PLXDC1: variants seen among roughly 807,000 people sequenced by gnomAD.
PLXDC1 encodes the protein plexin domain-containing protein 1.
A neutral mutation model predicts 61.3 loss-of-function variants in PLXDC1; 39 were observed. The observed-to-expected ratio is 0.64, with a 90% CI of 0.49 to 0.83. PLXDC1 has a LOEUF of 0.83. Ranked by LOEUF, PLXDC1 falls within the 40% of genes least tolerant of loss-of-function variation. The pLI, the probability that PLXDC1 is intolerant of heterozygous loss-of-function variation, is 0.00. For missense variants in PLXDC1, 596 were observed against 666.5 expected (o/e 0.89, Z 1.17); for synonymous variants, 212 against 254.5 (o/e 0.83, Z 1.59).
rs141459439 is a variant in PLXDC1, at chr17:39,105,874, T to C, written c.791A>G (p.Asn264Ser). ...TGLSDAFMIL[N>S]PSPDVPESRR... ...CTCACCTGGCACATCCGGGGATGGATTGAGAATCATGAAGGCATCCGATAG... is the reference window on the plus strand; with the variant it reads ...CTCACCTGGCACATCCGGGGATGGACTGAGAATCATGAAGGCATCCGATAG... Residue 264 changes from asparagine to serine, a missense_variant, in exon 7 of 14, where the codon AAT becomes AGT. Coordinates refer to ENST00000315392, the MANE Select transcript of PLXDC1 (RefSeq NM_020405.5). 3.1e-6 allele frequency: 5 copies of C among 1,613,348 alleles called. No individual in the cohort carries two copies. Among genetic ancestry groups the C allele is most frequent in the Middle Eastern group, 1.6e-4 (1 of 6,062 alleles).
intron 1 of PLXDC1, among the ~76,000 whole-genome samples, chr17:39,141,449 G>A (rs1033715668): frequency 2.6e-4 from 40 of 152,294 alleles, no homozygotes; most frequent in African/African-American, 4.3e-4. Flanking sequence ...CATTCATGTC[G>A]TAGCATATGG....
At chr17:39,109,879 G>A (rs2879210) in intron 2 of PLXDC1, among the ~76,000 whole-genome samples, 136,966 of 152,238 alleles carry the variant, frequency 0.9, 61,833 homozygotes, top group South Asian at 0.94. Flanking sequence ...GCGGTGGCTC[G>A]CGCCTGTAAT....
At chr17:39,075,247 C>T (rs913776839) in intron 11 of PLXDC1, among the ~76,000 whole-genome samples, 4 of 152,234 alleles carry the variant, frequency 2.6e-5, no homozygotes, top group Admixed American at 2.0e-4. Context: ...GCGTAAGCCT[C>T]CTCTCCCAGC....
At chr17:39,084,265 G>A (rs552259832) in intron 8 of PLXDC1, among the ~76,000 whole-genome samples, 15 of 152,282 alleles carry the variant, frequency 9.9e-5, no homozygotes, top group African/African-American at 3.6e-4. Context: ...TATAACATGA[G>A]GACTGTAGGT....
intron 7 of PLXDC1, among the ~76,000 whole-genome samples, chr17:39,104,739 G>T (rs1280117786): frequency 6.6e-6 from 1 of 151,954 alleles, no homozygotes; most frequent in Admixed American, 6.6e-5. Context: ...GGTAGAAATT[G>T]CACTACTGCA....
intron 1 of PLXDC1, among the ~76,000 whole-genome samples, chr17:39,145,130 T>A (rs1912054760): frequency 6.6e-6 from 1 of 151,752 alleles, no homozygotes. Context: ...TGACCGACAA[T>A]CCCCACTGTT....
In PLXDC1 at chr17:39,109,353, G is replaced by A. The variant is rs1910713880; in HGVS notation, c.294C>T (p.Gly98=). ...GTTCCCGGCTGTGGGGCTCGCTGGG[G>A]CCATAGAGACGGGACACATAATAGC... ...NHSYYVSRLY[G]PSEPHSRELW... The change falls in exon 3 of 14, where the codon GGC becomes GGT. Residue 98 remains glycine (G), a synonymous_variant. Coordinates refer to ENST00000315392, the MANE Select transcript of PLXDC1 (RefSeq NM_020405.5). 5.0e-6 allele frequency: 8 copies of A among 1,606,776 alleles called. No homozygotes were observed. Among genetic ancestry groups the A allele is most frequent in the Non-Finnish European group, 6.8e-6 (8 of 1,177,296 alleles).
intron 1 of PLXDC1, among the ~76,000 whole-genome samples, chr17:39,145,886 C>G (rs2045338175): frequency 6.6e-6 from 1 of 152,078 alleles, no homozygotes; most frequent in African/African-American, 2.4e-5. Context: ...AAAACATAAA[C>G]TTGGTAGGTT....
rs1355899944 is a variant in PLXDC1 at position 39,072,547 on chromosome 17, G to C, written c.1187-62C>G. On this transcript the variant is annotated intron_variant, in intron 11 of 13. Transcript: ENST00000315392. ...GAATCATTACAGCCTTTGTCACTCTGAGTCCAGATGGGATGAAAGTTCAGC... is the reference window on the plus strand; with the variant it reads ...GAATCATTACAGCCTTTGTCACTCTCAGTCCAGATGGGATGAAAGTTCAGC... 3 of 1,038,856 alleles carry C rather than the reference G, an allele frequency of 2.9e-6. No individual in the cohort carries two copies. The East Asian group carries it at 7.7e-5, about 27-fold the overall frequency. 64.4% of individuals were successfully genotyped at this position (1,038,856 alleles called of 1,614,324 possible).
intron 7 of PLXDC1, among the ~76,000 whole-genome samples, chr17:39,096,317 G>A (rs1910199822): frequency 6.6e-6 from 1 of 152,198 alleles, no homozygotes; most frequent in African/African-American, 2.4e-5. Context: ...AATGACTCAG[G>A]GAGCAGAGTA....
chr17:39,121,717 A>G lies in PLXDC1; in HGVS notation c.256-12326T>C, dbSNP rs532094403. The stretch of plus-strand genomic sequence containing the variant: ...GGCTCCCAGTTATAGCTAGGCACAC[A>G]GTCACACAGTTAAACCATATTTCCC... On this transcript the variant is annotated intron_variant, in intron 2 of 13. Coordinates refer to ENST00000315392, the MANE Select transcript of PLXDC1 (RefSeq NM_020405.5). Among the ~76,000 whole-genome samples the G allele has an allele frequency of 5.3e-5, 8 of 152,324 alleles. No homozygotes were observed. The East Asian group carries it at 1.2e-3, about 22-fold the overall frequency.
intron 2 of PLXDC1, 22 bp downstream of exon 2, chr17:39,139,632 T>G: frequency 7.3e-6 from 8 of 1,098,224 alleles, no homozygotes; most frequent in Non-Finnish European, 1.0e-5. Context: ...TCGCTCCCCC[T>G]CCATGTTCCT....
intron 2 of PLXDC1, among the ~76,000 whole-genome samples, chr17:39,134,951 T>G (rs886825580): frequency 6.6e-6 from 1 of 152,172 alleles, no homozygotes; most frequent in Non-Finnish European, 1.5e-5. Flanking sequence ...GGCAGCCACT[T>G]TATGCGCCTG....
chr17:39,142,547 G>A (rs923701595), intron 1 of PLXDC1, among the ~76,000 whole-genome samples: 1 of 152,102 alleles, frequency 6.6e-6, no homozygotes, highest in Non-Finnish European at 1.5e-5. Flanking sequence ...TTGAGACAGG[G>A]TCTCACTCTA....
intron 1 of PLXDC1, among the ~76,000 whole-genome samples, chr17:39,145,763 A>T (rs1187140426): frequency 1.3e-5 from 2 of 152,206 alleles, no homozygotes; most frequent in African/African-American, 4.8e-5. Context: ...ACAGGTTTGG[A>T]ATCAGACAAG....
At chr17:39,085,174 C>G (rs1181611374) in intron 8 of PLXDC1, among the ~76,000 whole-genome samples, 3 of 152,242 alleles carry the variant, frequency 2.0e-5, no homozygotes, top group Non-Finnish European at 4.4e-5. Context: ...AAGATGGCAG[C>G]TGGGAACCAG....
intron 7 of PLXDC1, among the ~76,000 whole-genome samples, chr17:39,089,213 A>G (rs1303834457): frequency 6.6e-6 from 1 of 152,108 alleles, no homozygotes; most frequent in Non-Finnish European, 1.5e-5. Flanking sequence ...AGGTGGGCTG[A>G]ACCACAGCTG....
At chr17:39,075,005 G>A (rs1479564360) in intron 11 of PLXDC1, among the ~76,000 whole-genome samples, 1 of 151,930 alleles carries the variant, frequency 6.6e-6, no homozygotes, top group African/African-American at 2.4e-5. Flanking sequence ...TGTCACCCAG[G>A]CTAGAGTGCA....
At chr17:39,129,789 G>A (rs1325057555) in intron 2 of PLXDC1, among the ~76,000 whole-genome samples, 45 of 130,778 alleles carry the variant, frequency 3.4e-4, no homozygotes, top group Admixed American at 3.3e-3. Flanking sequence ...AAGAAAGAAA[G>A]AGAAAGAAAG....
Sources: gnomAD v4.1 joint callset for allele counts (sites outside exome capture counted in the v4.1 genomes callset) on GRCh38, gnomAD v4.1.1 for gene constraint, MANE v1.5 for transcripts, NCBI Gene and HGNC (gene_info 2026-07-23, HGNC 2026-07-21) for gene names.